The following FHIT variants were observed in gnomAD, a reference collection of about 807,000 sequenced individuals.
The protein encoded by FHIT is fragile histidine triad diadenosine triphosphatase.
Under a neutral mutation model 17.9 loss-of-function variants are expected in FHIT, and 19 were observed. The observed-to-expected ratio is 1.06, with a 90% CI of 0.74 to 1.56. The LOEUF (loss-of-function observed/expected upper bound fraction) is 1.56, where lower values mean the gene tolerates loss of function less well. Among genes scored for constraint, FHIT ranks in the 40% most tolerant of loss-of-function variants. The pLI is 0.00. For synonymous variants in FHIT, 81 were observed against 69.7 expected (o/e 1.16, Z -0.81); for missense variants, 248 against 189.2 (o/e 1.31, Z -1.82).
chr3:60,607,322 A>G (rs1203980485), intron 4 of FHIT, among the ~76,000 whole-genome samples: 1 of 152,022 alleles, frequency 6.6e-6, no homozygotes, highest in Non-Finnish European at 1.5e-5. Context: ...GGTCTCAGGG[A>G]ACTAAACAGT....
At chr3:60,183,457 T>G (rs1702030022) in intron 5 of FHIT, among the ~76,000 whole-genome samples, 1 of 152,012 alleles carries the variant, frequency 6.6e-6, no homozygotes, top group African/African-American at 2.4e-5. Flanking sequence ...TGGAGGATTG[T>G]TTTGAAAGTG....
At chr3:60,610,690 T>C (rs1443592006) in intron 4 of FHIT, among the ~76,000 whole-genome samples, 8 of 152,170 alleles carry the variant, frequency 5.3e-5, no homozygotes, top group Admixed American at 1.3e-4. Flanking sequence ...CGAAAAAATA[T>C]TAATAATATC....
intron 8 of FHIT, among the ~76,000 whole-genome samples, chr3:59,857,705 GTTTT>G (rs78150569): frequency 1.0e-4 from 12 of 115,400 alleles, no homozygotes; most frequent in African/African-American, 3.3e-4. Context: ...AAAGTGCTGG[GTTTT>G]TTTTTTTTTT....
intron 8 of FHIT, among the ~76,000 whole-genome samples, chr3:59,756,271 T>C (rs1410114032): frequency 6.6e-6 from 1 of 152,168 alleles, no homozygotes; most frequent in African/African-American, 2.4e-5. Context: ...CCAAAACAAC[T>C]TATTATAATG....
chr3:60,014,243 C>T (rs889199257), intron 5 of FHIT, 91 bp from the exon 6 acceptor site: 6 of 1,300,552 alleles, frequency 4.6e-6, no homozygotes, highest in Non-Finnish European at 5.4e-6. Flanking sequence ...TCCTCTCGGA[C>T]CAGGGCCTGA....
At chr3:60,819,354 T>C (rs1444522763) in intron 4 of FHIT, among the ~76,000 whole-genome samples, 1 of 152,172 alleles carries the variant, frequency 6.6e-6, no homozygotes, top group African/African-American at 2.4e-5. Flanking sequence ...TGATAGAACA[T>C]CAATCAATTC....
intron 4 of FHIT, among the ~76,000 whole-genome samples, chr3:60,771,479 T>C (rs570412045): frequency 3.3e-5 from 5 of 152,342 alleles, no homozygotes; most frequent in Admixed American, 1.3e-4. Flanking sequence ...ATTTCCCATG[T>C]TGATCAGTGA....
intron 8 of FHIT, among the ~76,000 whole-genome samples, chr3:59,813,130 AG>A (rs1270802924): frequency 6.6e-6 from 1 of 152,238 alleles, no homozygotes; most frequent in Admixed American, 6.5e-5. Context: ...AATTTTAATT[AG>A]TAATTACAAT....
chr3:60,264,882 T>C (rs1481844946), intron 5 of FHIT, among the ~76,000 whole-genome samples: 1 of 151,954 alleles, frequency 6.6e-6, no homozygotes, highest in African/African-American at 2.4e-5. Flanking sequence ...CAAGGAGCGT[T>C]TTCTAATTGC....
At chr3:60,851,860 T>C (rs1404857728) in intron 3 of FHIT, among the ~76,000 whole-genome samples, 1 of 152,144 alleles carries the variant, frequency 6.6e-6, no homozygotes, top group Non-Finnish European at 1.5e-5. Flanking sequence ...TGTAATATTT[T>C]ATACATATTT....
At chr3:60,803,899 A>G (rs1701289830) in intron 4 of FHIT, among the ~76,000 whole-genome samples, 1 of 152,214 alleles carries the variant, frequency 6.6e-6, no homozygotes, top group Non-Finnish European at 1.5e-5. Flanking sequence ...AGCATGGTCC[A>G]TTTTAAAAAC....
intron 2 of FHIT, among the ~76,000 whole-genome samples, chr3:61,122,745 G>GA (rs905714611): frequency 2.6e-5 from 4 of 151,894 alleles, no homozygotes; most frequent in Admixed American, 6.6e-5. Flanking sequence ...ACAAACATAT[G>GA]AAAAAAAACC....
intron 1 of FHIT, among the ~76,000 whole-genome samples, chr3:61,234,601 G>A (rs549118525): frequency 1.1e-4 from 16 of 152,136 alleles, no homozygotes; most frequent in Non-Finnish European, 2.2e-4. Flanking sequence ...CTGAAATATT[G>A]ATAGTGCTAT....
chr3:60,018,159 C>T (rs996927723), intron 5 of FHIT, among the ~76,000 whole-genome samples: 1 of 152,146 alleles, frequency 6.6e-6, no homozygotes, highest in East Asian at 1.9e-4. Context: ...GAAGGGAAAA[C>T]AGTTTGCAGA....
At chr3:60,032,504 C>T (rs911272509) in intron 5 of FHIT, among the ~76,000 whole-genome samples, 1 of 151,830 alleles carries the variant, frequency 6.6e-6, no homozygotes, top group Non-Finnish European at 1.5e-5. Context: ...AAAAGGTATA[C>T]AAGCGTCACC....
At chr3:60,366,419 CCAGCCTGCT>C (rs2107030263) in intron 5 of FHIT, among the ~76,000 whole-genome samples, 1 of 152,314 alleles carries the variant, frequency 6.6e-6, no homozygotes, top group African/African-American at 2.4e-5. Flanking sequence ...GGCACAGTGC[CCAGCCTGCT>C]AACCCCTTTT....
At chr3:60,073,917 A>C (rs1702893201) in intron 5 of FHIT, among the ~76,000 whole-genome samples, 1 of 152,168 alleles carries the variant, frequency 6.6e-6, no homozygotes, top group Non-Finnish European at 1.5e-5. Context: ...GAAGTAAATT[A>C]GATTGTTGTT....
chr3:60,208,275 G>A (rs1490661275), intron 5 of FHIT, among the ~76,000 whole-genome samples: 1 of 152,122 alleles, frequency 6.6e-6, no homozygotes, highest in African/African-American at 2.4e-5. Flanking sequence ...CATTTTTATT[G>A]AAGAAGCTTA....
At chr3:60,781,551 T>C (rs1298270714) in intron 4 of FHIT, among the ~76,000 whole-genome samples, 3 of 152,334 alleles carry the variant, frequency 2.0e-5, no homozygotes, top group Non-Finnish European at 1.5e-5. Flanking sequence ...AGTTCTTCAC[T>C]ATTTTTCAAC....
Sources: allele counts gnomAD v4.1 joint callset (sites outside exome capture counted in the v4.1 genomes callset), GRCh38; gene constraint gnomAD v4.1.1; transcripts MANE v1.5; gene names NCBI Gene and HGNC (gene_info 2026-07-23, HGNC 2026-07-21).